INPP4B: variants seen among roughly 807,000 people sequenced by gnomAD.
INPP4B encodes inositol polyphosphate-4-phosphatase type II B.
In INPP4B, 55 loss-of-function variants were observed where a neutral mutation model predicts 122.5. The observed-to-expected ratio is 0.45, with a 90% CI of 0.36 to 0.56. The LOEUF (loss-of-function observed/expected upper bound fraction) is 0.56, where lower values mean the gene tolerates loss of function less well. Ranked by LOEUF, INPP4B falls within the 20% of genes least tolerant of loss-of-function variation. The pLI, the probability that INPP4B is intolerant of heterozygous loss-of-function variation, is 0.00. For missense variants in INPP4B, 1,000 were observed against 1,097.7 expected (o/e 0.91, Z 1.26); for synonymous variants, 403 against 388.7 (o/e 1.04, Z -0.43).
intron 7 of INPP4B, among the ~76,000 whole-genome samples, chr4:142,347,802 C>G (rs1438505485): frequency 1.3e-5 from 2 of 151,808 alleles, no homozygotes; most frequent in Non-Finnish European, 2.9e-5. Flanking sequence ...TCTATAGCAG[C>G]AGAGGTGGTT....
intron 7 of INPP4B, among the ~76,000 whole-genome samples, chr4:142,329,146 T>C (rs1430237346): frequency 6.6e-6 from 1 of 152,218 alleles, no homozygotes; most frequent in African/African-American, 2.4e-5. Flanking sequence ...TATCAAAATG[T>C]GTAAAGAAAG....
chr4:142,443,568 G>A (rs1168037944), intron 3 of INPP4B, among the ~76,000 whole-genome samples: 4 of 151,884 alleles, frequency 2.6e-5, no homozygotes, highest in Non-Finnish European at 4.4e-5. Flanking sequence ...CAAGAACATC[G>A]GGCCTGTCTA....
At chr4:142,125,224 C>T (rs865878369) in intron 18 of INPP4B, among the ~76,000 whole-genome samples, 2 of 151,992 alleles carry the variant, frequency 1.3e-5, no homozygotes, top group South Asian at 4.1e-4. Context: ...TGGATTACTT[C>T]CTGGACTACT....
intron 2 of INPP4B, among the ~76,000 whole-genome samples, chr4:142,684,980 G>A (rs1399867720): frequency 6.6e-6 from 1 of 152,036 alleles, no homozygotes; most frequent in African/African-American, 2.4e-5. Context: ...AAGAACATAT[G>A]TGTGACTTTG....
intron 2 of INPP4B, among the ~76,000 whole-genome samples, chr4:142,631,464 T>C (rs1377179394): frequency 6.6e-6 from 1 of 152,112 alleles, no homozygotes; most frequent in Non-Finnish European, 1.5e-5. Flanking sequence ...CAATGGTTTA[T>C]TATTTTGGGT....
At chr4:142,643,287 A>T (rs1262270795) in intron 2 of INPP4B, among the ~76,000 whole-genome samples, 1 of 152,230 alleles carries the variant, frequency 6.6e-6, no homozygotes, top group Non-Finnish European at 1.5e-5. Context: ...GAAAAAAACA[A>T]GATAGACAAG....
chr4:142,269,736 T>C (rs553273474), intron 10 of INPP4B, among the ~76,000 whole-genome samples: 4 of 152,158 alleles, frequency 2.6e-5, no homozygotes, highest in Admixed American at 6.5e-5. Flanking sequence ...ACACACAAAA[T>C]AAGTATGTGA....
intron 15 of INPP4B, among the ~76,000 whole-genome samples, chr4:142,189,537 C>T (rs116147003): frequency 0.029 from 4,480 of 151,980 alleles, 204 homozygotes; most frequent in African/African-American, 0.1. Flanking sequence ...GGGAGGAGAG[C>T]CAAATCAACT....
At chr4:142,557,523 G>C (rs1212113482) in intron 2 of INPP4B, among the ~76,000 whole-genome samples, 1 of 87,934 alleles carries the variant, frequency 1.1e-5, no homozygotes, top group Non-Finnish European at 2.2e-5. Flanking sequence ...GGCAGTCCAT[G>C]GGCAAGAGTT....
At chr4:142,575,080 T>C (rs1214837243) in intron 2 of INPP4B, among the ~76,000 whole-genome samples, 1 of 152,052 alleles carries the variant, frequency 6.6e-6, no homozygotes, top group Non-Finnish European at 1.5e-5. Flanking sequence ...GATTTTCAAT[T>C]CTTATAAGGA....
chr4:142,606,276 G>A (rs1377886375), intron 2 of INPP4B, among the ~76,000 whole-genome samples: 2 of 151,752 alleles, frequency 1.3e-5, no homozygotes, highest in African/African-American at 4.8e-5. Context: ...TATATGAAGG[G>A]AGGTCAGTTA....
intron 7 of INPP4B, among the ~76,000 whole-genome samples, chr4:142,360,553 CTAA>C (rs758940026): frequency 1.3e-4 from 20 of 152,008 alleles, no homozygotes; most frequent in Non-Finnish European, 2.1e-4. Context: ...AGTGTAGTTA[CTAA>C]TACACTGAAA....
At chr4:142,123,192 ATAAAG>A in intron 20 of INPP4B, 95 bp downstream of exon 20, 1 of 1,005,648 alleles carries the variant, frequency 9.9e-7, no homozygotes, top group Non-Finnish European at 1.4e-6. Context: ...ACTTGGCACA[ATAAAG>A]GTTTACTTAT....
chr4:142,843,392 G>A (rs923242128), intron 1 of INPP4B, among the ~76,000 whole-genome samples: 1 of 151,812 alleles, frequency 6.6e-6, no homozygotes, highest in African/African-American at 2.4e-5. Flanking sequence ...TAACAAAGTG[G>A]CCTATGGAAA....
intron 15 of INPP4B, among the ~76,000 whole-genome samples, chr4:142,189,547 T>G (rs1273961864): frequency 6.6e-6 from 1 of 152,114 alleles, no homozygotes; most frequent in African/African-American, 2.4e-5. Flanking sequence ...CCAAATCAAC[T>G]TGAAAAATCA....
intron 25 of INPP4B, among the ~76,000 whole-genome samples, chr4:142,067,633 T>A (rs1272641688): frequency 1.3e-5 from 2 of 152,138 alleles, no homozygotes; most frequent in African/African-American, 2.4e-5. Flanking sequence ...GAGAAGTCCT[T>A]AAATGACCTA....
chr4:142,349,360 G>A (rs930701034), intron 7 of INPP4B, among the ~76,000 whole-genome samples: 5 of 152,004 alleles, frequency 3.3e-5, no homozygotes, highest in African/African-American at 7.2e-5. Context: ...ATTTTTGTCT[G>A]TATTGCATGT....
At chr4:142,766,064 A>G (rs1772074516) in intron 1 of INPP4B, 1 of 152,096 alleles carries the variant, frequency 6.6e-6, no homozygotes, top group Non-Finnish European at 1.5e-5. Flanking sequence ...GCAGTGAAAC[A>G]TTTGCATAAA....
intron 2 of INPP4B, among the ~76,000 whole-genome samples, chr4:142,465,248 T>C (rs1407107672): frequency 6.6e-6 from 1 of 152,200 alleles, no homozygotes; most frequent in African/African-American, 2.4e-5. Flanking sequence ...GACTTTTTTT[T>C]TGTTCCCATT....
Sources: gnomAD v4.1 joint callset for allele counts (sites outside exome capture counted in the v4.1 genomes callset) on GRCh38, gnomAD v4.1.1 for gene constraint, MANE v1.5 for transcripts, NCBI Gene and HGNC (gene_info 2026-07-23, HGNC 2026-07-21) for gene names.